The following IFNG-AS1 variants were observed in gnomAD, a reference collection of about 807,000 sequenced individuals.
IFNG-AS1 encodes IFNG antisense RNA 1 (non-protein coding).
intron 2 of IFNG-AS1, among the ~76,000 whole-genome samples, chr12:68,005,461 A>C (rs1468300123): frequency 6.6e-6 from 1 of 152,192 alleles, no homozygotes; most frequent in Non-Finnish European, 1.5e-5. Flanking sequence ...ATGTCCTCCA[A>C]TCTGTGTTAG....
Position 68,014,143 on chromosome 12 carries a change from G to C in IFNG-AS1, n.242-5719G>C, listed in dbSNP as rs1224645781. Among the ~76,000 whole-genome samples the C allele has an allele frequency of 2.0e-5, 3 of 152,300 alleles. 1 individual carries two copies. The Middle Eastern group carries it at 0.01, about 518-fold the overall frequency. ...ATTCATTCCTTTTTATGGCTAAGTA[G>C]TTTTCCATCATAATGTATACCACAG... On this transcript the variant is annotated intron_variant and non_coding_transcript_variant, in intron 3 of 5. Transcript: ENST00000536914.
intron 3 of IFNG-AS1, among the ~76,000 whole-genome samples, chr12:68,012,794 C>T (rs1021326611): frequency 2.0e-5 from 3 of 152,148 alleles, no homozygotes; most frequent in Admixed American, 6.5e-5. Context: ...AGACGACTAG[C>T]GATGCATAGA....
intron 3 of IFNG-AS1, among the ~76,000 whole-genome samples, chr12:68,015,483 A>G (rs1380745141): frequency 2.0e-5 from 3 of 152,106 alleles, no homozygotes; most frequent in Admixed American, 6.6e-5. Context: ...TCACCTTCTC[A>G]TCTCCTCATA....
At chr12:68,000,190 A>G (rs1479990828) in intron 2 of IFNG-AS1, among the ~76,000 whole-genome samples, 12 of 152,330 alleles carry the variant, frequency 7.9e-5, no homozygotes, top group East Asian at 7.7e-4. Context: ...GGTAAAAGGT[A>G]TATGGGAGTT....
At chr12:67,992,496 A>G (rs1879539795) in intron 1 of IFNG-AS1, among the ~76,000 whole-genome samples, 1 of 152,210 alleles carries the variant, frequency 6.6e-6, no homozygotes, top group East Asian at 1.9e-4. Flanking sequence ...AAGGTATTAT[A>G]TAACTGCTCT....
At chr12:67,999,929 AC>A (rs1879729520) in intron 2 of IFNG-AS1, among the ~76,000 whole-genome samples, 2 of 152,186 alleles carry the variant, frequency 1.3e-5, no homozygotes, top group South Asian at 4.2e-4. Flanking sequence ...AACAAAAAGG[AC>A]CCATGATATA....
At chr12:68,006,502 A>T (rs1565689955) in intron 3 of IFNG-AS1, among the ~76,000 whole-genome samples, 4 of 152,112 alleles carry the variant, frequency 2.6e-5, no homozygotes. Flanking sequence ...CCATTGCGCT[A>T]TTGTCTGGGA....
intron 3 of IFNG-AS1, among the ~76,000 whole-genome samples, chr12:68,015,957 A>T (rs981561461): frequency 6.6e-6 from 1 of 152,086 alleles, no homozygotes; most frequent in South Asian, 2.1e-4. Flanking sequence ...GGGGGGAAAA[A>T]AAACCTTTCC....
chr12:68,001,140 ATG>A (rs1405355976), intron 2 of IFNG-AS1, among the ~76,000 whole-genome samples: 4 of 152,200 alleles, frequency 2.6e-5, no homozygotes, highest in Admixed American at 1.3e-4. Flanking sequence ...ATGTATACAT[ATG>A]TGTGTGTATA....
intron 1 of IFNG-AS1, among the ~76,000 whole-genome samples, chr12:67,994,629 G>A (rs142091730): frequency 5.9e-5 from 9 of 152,306 alleles, no homozygotes; most frequent in African/African-American, 1.9e-4. Context: ...CAACATGTCT[G>A]CCGCTATTCT....
At chr12:67,998,011 A>T (rs1879682547) in intron 2 of IFNG-AS1, among the ~76,000 whole-genome samples, 1 of 152,132 alleles carries the variant, frequency 6.6e-6, no homozygotes, top group Non-Finnish European at 1.5e-5. Flanking sequence ...CTGTAGGGAA[A>T]GAGATACCCT....
intron 2 of IFNG-AS1, chr12:67,996,137 A>G (rs1024619767): frequency 2.0e-5 from 3 of 152,222 alleles, no homozygotes; most frequent in Non-Finnish European, 4.4e-5. Context: ...TTTAGTGCCT[A>G]CTATGTGTTA....
At chr12:68,003,198 T>C (rs1445930662) in intron 2 of IFNG-AS1, among the ~76,000 whole-genome samples, 2 of 152,212 alleles carry the variant, frequency 1.3e-5, no homozygotes, top group African/African-American at 4.8e-5. Flanking sequence ...TTAATCAGTC[T>C]TTTATTGTCA....
At chr12:68,012,252 T>C (rs1880049233) in intron 3 of IFNG-AS1, among the ~76,000 whole-genome samples, 1 of 152,202 alleles carries the variant, frequency 6.6e-6, no homozygotes, top group Non-Finnish European at 1.5e-5. Flanking sequence ...GGAAAGCTTT[T>C]ATCTGCCACC....
At chr12:68,013,991 C>A (rs1188166291) in intron 3 of IFNG-AS1, among the ~76,000 whole-genome samples, 1 of 152,164 alleles carries the variant, frequency 6.6e-6, no homozygotes, top group Non-Finnish European at 1.5e-5. Flanking sequence ...ATTCTTATGC[C>A]TTTGCACCCT....
chr12:67,999,462 GA>G (rs1415979198), intron 2 of IFNG-AS1, among the ~76,000 whole-genome samples: 5 of 152,180 alleles, frequency 3.3e-5, no homozygotes, highest in Non-Finnish European at 7.4e-5. Context: ...AGAAAGAAAA[GA>G]AGCAGTAAGA....
intron 1 of IFNG-AS1, among the ~76,000 whole-genome samples, chr12:67,990,658 A>G (rs1879488041): frequency 6.6e-6 from 1 of 151,286 alleles, no homozygotes. Context: ...CAGTGGCGCG[A>G]TCTCAGCTCA....
intron 2 of IFNG-AS1, among the ~76,000 whole-genome samples, chr12:68,004,976 T>TATATCCTCTACATATCCTCTTTTC (rs1879873645): frequency 1.3e-5 from 2 of 152,208 alleles, no homozygotes; most frequent in African/African-American, 2.4e-5. Context: ...ACCTCTTTTT[T>TATATCCTCTACATATCCTCTTTTC]ATATCCTCTA....
intron 2 of IFNG-AS1, among the ~76,000 whole-genome samples, chr12:67,998,660 G>C (rs531544665): frequency 1.3e-5 from 2 of 152,092 alleles, no homozygotes; most frequent in African/African-American, 4.8e-5. Flanking sequence ...AAATCAAGCA[G>C]GGTGAAGGGA....
Sources: gnomAD v4.1 joint callset for allele counts (sites outside exome capture counted in the v4.1 genomes callset) on GRCh38, gnomAD v4.1.1 for gene constraint, MANE v1.5 for transcripts, NCBI Gene and HGNC (gene_info 2026-07-23, HGNC 2026-07-21) for gene names.